PSG2: variants seen among roughly 807,000 people sequenced by gnomAD.
PSG2 encodes the protein pregnancy-specific beta-1-glycoprotein 2.
In PSG2, 49 loss-of-function variants were observed where a neutral mutation model predicts 36.2. That is an observed-to-expected ratio of 1.35 (90% CI 1.08 to 1.72). The LOEUF (loss-of-function observed/expected upper bound fraction) is 1.72. Among genes scored for constraint, PSG2 ranks in the 40% most tolerant of loss-of-function variants. The probability of loss-of-function intolerance (pLI) is 0.00; values close to 1 mark genes in which losing one functional copy is unlikely to be tolerated. For missense variants in PSG2, 605 were observed against 407.2 expected (o/e 1.49, Z -4.18); for synonymous variants, 261 against 155.6 (o/e 1.68, Z -5.04).
chr19:43,081,200 C>G lies in PSG2; in HGVS notation c.111G>C (p.Thr37=). The part of the protein sequence containing the change: ...FWNLPTTAQV[T]IEAQPPKVSE... ...AAACTTTTGGTGGCTGGGCTTCAAT[C>G]GTGACTTGGGCAGTGGTGGGCAGGT... The change falls in exon 2 of 6, where the codon ACG becomes ACC. Residue 37 remains threonine, a synonymous_variant. Transcript: ENST00000406487. 6.2e-7 allele frequency: 1 copy of G among 1,612,562 alleles called. No individual in the cohort carries two copies. Among genetic ancestry groups the G allele is most frequent in the Non-Finnish European group, 8.5e-7 (1 of 1,179,606 alleles).
chr19:43,070,459 A>G (rs971301376), intron 4 of PSG2, among the ~76,000 whole-genome samples: 4 of 151,796 alleles, frequency 2.6e-5, no homozygotes, highest in Admixed American at 2.6e-4. Flanking sequence ...AGTCCATTGA[A>G]AGATAAGTGG....
rs1967714055 is a variant in PSG2 at position 43,064,557 on chromosome 19, A to C, written c.*85T>G. The C allele has an allele frequency of 1.5e-6, 1 of 678,350 alleles. No homozygotes were observed. Among genetic ancestry groups the C allele is most frequent in the South Asian group, 1.6e-5 (1 of 64,262 alleles). 42.0% of individuals were successfully genotyped at this position (678,350 alleles called of 1,614,324 possible). A position where few individuals can be genotyped will look rare whatever the true frequency, so the allele number is the denominator to read the frequency against. On this transcript the variant is annotated 3_prime_UTR_variant, in exon 6 of 6. Coordinates refer to ENST00000406487, the MANE Select transcript of PSG2 (RefSeq NM_031246.4). Reference sequence around the variant, plus strand: ...GTGGTATGATCTTGAAGTTATCAGGAGCTTGTATTCAAGAGTCCTTGTAAG... The same window carrying C: ...GTGGTATGATCTTGAAGTTATCAGGCGCTTGTATTCAAGAGTCCTTGTAAG...
At chr19:43,079,539 G>A (rs933578815) in intron 2 of PSG2, among the ~76,000 whole-genome samples, 1 of 151,552 alleles carries the variant, frequency 6.6e-6, no homozygotes, top group East Asian at 1.9e-4. Context: ...CTCTCACTGG[G>A]CCTGTGCTGA....
intron 3 of PSG2, chr19:43,072,555 A>G: frequency 6.2e-7 from 1 of 1,611,238 alleles, no homozygotes; most frequent in Non-Finnish European, 8.5e-7. Context: ...TTAGGTTCAC[A>G]GGTGAAGGCT....
chr19:43,079,628 C>A (rs1310999954), intron 2 of PSG2, among the ~76,000 whole-genome samples: 1 of 151,638 alleles, frequency 6.6e-6, no homozygotes, highest in Non-Finnish European at 1.5e-5. Flanking sequence ...CTTTGGGAAA[C>A]ACAGGGTTTC....
Position 43,075,365 on chromosome 19 carries a change from AG to A in PSG2, c.697del (p.Leu233Ter). On this transcript the variant is annotated frameshift_variant, in exon 3 of 6. Transcript: ENST00000406487. LOFTEE classifies it high-confidence loss of function. ...CAGAAGATACTCACGGAGGAGATTC[AG>A]GGTGACTGGGTCACTGCGGCTGGCA... ...GSASRSDPVT[L>X]NLLHGPDLPR... 4 of 1,613,182 alleles carry A rather than the reference AG, an allele frequency of 2.5e-6. No homozygotes were observed. The highest frequency in any genetic ancestry group is 1.7e-5 in the Admixed American group (1 of 59,966).
intron 3 of PSG2, among the ~76,000 whole-genome samples, chr19:43,073,684 G>T (rs1239606334): frequency 1.3e-5 from 2 of 151,632 alleles, no homozygotes; most frequent in African/African-American, 4.9e-5. Context: ...GGAGTGGGGA[G>T]AATCAGAAGT....
At chr19:43,075,891 G>A (rs909062379) in intron 2 of PSG2, among the ~76,000 whole-genome samples, 3 of 151,620 alleles carry the variant, frequency 2.0e-5, no homozygotes, top group African/African-American at 7.3e-5. Context: ...AAAGACACAG[G>A]ACCAGCAGTC....
At chr19:43,065,057 G>C (rs78810802) in intron 5 of PSG2, among the ~76,000 whole-genome samples, 1 of 151,470 alleles carries the variant, frequency 6.6e-6, no homozygotes, top group East Asian at 1.9e-4. Flanking sequence ...GGATGGTCTC[G>C]ATCTCCTGAC....
At chr19:43,074,982 A>C (rs998124490) in intron 3 of PSG2, among the ~76,000 whole-genome samples, 1 of 151,594 alleles carries the variant, frequency 6.6e-6, no homozygotes, top group Non-Finnish European at 1.5e-5. Context: ...AGTCACAGGC[A>C]CTATTGTCAG....
At chr19:43,070,059 C>G (rs927039252) in intron 4 of PSG2, among the ~76,000 whole-genome samples, 7 of 151,678 alleles carry the variant, frequency 4.6e-5, no homozygotes, top group African/African-American at 1.7e-4. Flanking sequence ...GGAGGTTACA[C>G]AAATATCCAG....
At chr19:43,078,275 A>T (rs1431528653) in intron 2 of PSG2, among the ~76,000 whole-genome samples, 1 of 151,670 alleles carries the variant, frequency 6.6e-6, no homozygotes, top group East Asian at 1.9e-4. Flanking sequence ...TTGCCCAGGG[A>T]CGGCCTTTGT....
chr19:43,065,379 G>C (rs1261556622), intron 5 of PSG2: 2 of 151,500 alleles, frequency 1.3e-5, no homozygotes, highest in African/African-American at 4.9e-5. Flanking sequence ...ACTTTTAGCT[G>C]AAAATCATTG....
At chr19:43,071,216 G>C (rs1053557926) in intron 4 of PSG2, among the ~76,000 whole-genome samples, 1 of 151,676 alleles carries the variant, frequency 6.6e-6, no homozygotes, top group African/African-American at 2.4e-5. Context: ...GAGGAGCCCA[G>C]AGCAGAGCAG....
At chr19:43,082,109 TTCTTTCTTCTC>T in intron 1 of PSG2, 11 of 163,384 alleles carry the variant, frequency 6.7e-5, no homozygotes, top group African/African-American at 2.6e-4. Flanking sequence ...TTCCTTTTAT[TTCTTTCTTCTC>T]TCTTTTTTTT....
chr19:43,072,802 T>C (rs530611951), intron 3 of PSG2, among the ~76,000 whole-genome samples: 1 of 151,760 alleles, frequency 6.6e-6, no homozygotes, highest in African/African-American at 2.4e-5. Context: ...GCTCAAAGAC[T>C]GTGAGGCCGC....
intron 4 of PSG2, among the ~76,000 whole-genome samples, chr19:43,067,480 T>G (rs1298303014): frequency 6.6e-6 from 1 of 151,344 alleles, no homozygotes. Context: ...AGGTAGATAC[T>G]GTTGAGGGGC....
At chr19:43,073,596 G>T (rs918714899) in intron 3 of PSG2, among the ~76,000 whole-genome samples, 1 of 151,616 alleles carries the variant, frequency 6.6e-6, no homozygotes, top group Non-Finnish European at 1.5e-5. Flanking sequence ...TGATTCCCTG[G>T]GTTCGACTAC....
chr19:43,069,213 G>T (rs1411909193), intron 4 of PSG2, among the ~76,000 whole-genome samples: 1 of 123,074 alleles, frequency 8.1e-6, no homozygotes, highest in East Asian at 1.9e-4. Context: ...AATGAAAGAT[G>T]ACATCAATAA....
Sources: allele counts gnomAD v4.1 joint callset (sites outside exome capture counted in the v4.1 genomes callset), GRCh38; gene constraint gnomAD v4.1.1; transcripts MANE v1.5; gene names NCBI Gene and HGNC (gene_info 2026-07-23, HGNC 2026-07-21).